RELT: variants seen among roughly 807,000 people sequenced by gnomAD.
RELT encodes RELT TNF receptor.
RELT carries 37 observed loss-of-function variants against 51.1 expected under a neutral mutation model. The ratio of observed to expected loss-of-function variants is 0.72; its 90% confidence interval spans 0.56 to 0.95. RELT has a LOEUF of 0.95. Among genes scored for constraint, RELT ranks in the 40% least tolerant of loss-of-function variants. The pLI, the probability that RELT is intolerant of heterozygous loss-of-function variation, is 0.00. For synonymous variants in RELT, 241 were observed against 235.7 expected (o/e 1.02, Z -0.21); for missense variants, 535 against 572.6 (o/e 0.93, Z 0.67).
chr11:73,392,414 T>C lies in RELT; in HGVS notation c.571T>C (p.Tyr191His), dbSNP rs1866232782. The change falls in exon 6 of 11, where the codon TAC (tyrosine) becomes CAC (histidine). Residue 191 changes from tyrosine to histidine, a missense_variant. By Grantham distance (83) the Tyr-to-His change is moderately conservative. Transcript: ENST00000064780. Reference sequence around the variant, plus strand: ...GTGCAACCTCCTCAAGCGGAAGGGCTACCACTGCACGGCGCACAAGGAGGT... The same window carrying C: ...GTGCAACCTCCTCAAGCGGAAGGGCCACCACTGCACGGCGCACAAGGAGGT... ...LVCNLLKRKG[Y>H]HCTAHKEVGP... The C allele has an allele frequency of 5.0e-6, 8 of 1,613,566 alleles. No homozygotes were observed. The highest frequency in any genetic ancestry group is 4.2e-6 in the Non-Finnish European group (5 of 1,179,916).
At chr11:73,377,498 G>A (rs919181892) in intron 1 of RELT, among the ~76,000 whole-genome samples, 1 of 152,164 alleles carries the variant, frequency 6.6e-6, no homozygotes, top group Admixed American at 6.5e-5. Flanking sequence ...GGAGAAAGCC[G>A]AGGCTGGGCA....
In RELT at chr11:73,395,250, A is replaced by G; in HGVS notation, c.1210A>G (p.Lys404Glu). ...ALLGSGGSRT[K>E]WLKPPAENKA... ...GCTAGGAAGTGGCGGAAGCCGTACA[A>G]AGTGGCTGAAGCCCCCAGCAGAGAA... Residue 404 changes from lysine to glutamate, a missense_variant, in exon 10 of 11, where the codon AAG becomes GAG. Coordinates refer to ENST00000064780, the MANE Select transcript of RELT (RefSeq NM_152222.2). The G allele has an allele frequency of 6.2e-7, 1 of 1,613,158 alleles. No individual in the cohort carries two copies.
chr11:73,393,153 C>T lies in RELT; in HGVS notation c.626-684C>T. On this transcript the variant is annotated intron_variant, in intron 6 of 10. Transcript: ENST00000064780. ...TGGGGCTGGCATGGGAGCCAGAGAC[C>T]CTTCTAAGTCCTGACACTGAAGTCT... The T allele has an allele frequency of 3.0e-6, 3 of 998,650 alleles. No homozygotes were observed. The South Asian group carries it at 1.3e-4, about 43-fold the overall frequency. The allele number at this position is 998,650 out of a possible 1,614,324, so 61.9% of individuals were successfully genotyped here.
chr11:73,391,375 A>T, intron 5 of RELT, 152 bp downstream of exon 5: 2 of 687,302 alleles, frequency 2.9e-6, no homozygotes, highest in Non-Finnish European at 4.9e-6. Flanking sequence ...GGTCTCCAGC[A>T]GGGCACAGTC....
chr11:73,392,126 C>T (rs866708428), intron 5 of RELT, 85 bp from the exon 6 acceptor site: 1 of 1,479,742 alleles, frequency 6.8e-7, no homozygotes, highest in South Asian at 1.3e-5. Flanking sequence ...TCCTGCAGCC[C>T]CCACTGACTC....
rs960178655 is a variant in RELT, at chr11:73,392,080, A to G, written c.368-131A>G. The G allele has an allele frequency of 6.6e-5, 69 of 1,043,900 alleles. 1 individual carries two copies. In the East Asian group the frequency reaches 1.8e-3, roughly 27 times the overall value. The allele number at this position is 1,043,900 out of a possible 1,614,324, so 64.7% of individuals were successfully genotyped here. ...GTGGGTTGACCTTTGCATCCCCAGCATGGCGGGGAGTGGGCTCCCCTGGGC... is the reference window on the plus strand; with the variant it reads ...GTGGGTTGACCTTTGCATCCCCAGCGTGGCGGGGAGTGGGCTCCCCTGGGC... On this transcript the variant is annotated intron_variant, in intron 5 of 10. Coordinates refer to ENST00000064780, the MANE Select transcript of RELT (RefSeq NM_152222.2).
chr11:73,395,649 C>A lies in RELT; in HGVS notation c.*158C>A. The A allele has an allele frequency of 1.5e-6, 1 of 661,530 alleles. No homozygotes were observed. The highest frequency in any genetic ancestry group is 2.6e-5 in the East Asian group (1 of 38,282). 41.0% of individuals were successfully genotyped at this position (661,530 alleles called of 1,614,324 possible). A position where few individuals can be genotyped will look rare whatever the true frequency, so the allele number is the denominator to read the frequency against. On this transcript the variant is annotated 3_prime_UTR_variant, in exon 11 of 11. Transcript: ENST00000064780. ...AGGCCTGGAGGTGGGAGCGTCTGCC[C>A]CAGTGAGGAGGCAGGTGGCCGGCGG... is the stretch of plus-strand genomic sequence containing the variant.
At chr11:73,378,684 G>C (rs1866005941) in intron 1 of RELT, among the ~76,000 whole-genome samples, 1 of 152,234 alleles carries the variant, frequency 6.6e-6, no homozygotes, top group Admixed American at 6.5e-5. Context: ...TATGATGTGT[G>C]TGTGTGCACA....
chr11:73,390,004 T>C (rs1430976688), intron 2 of RELT, among the ~76,000 whole-genome samples: 4 of 152,050 alleles, frequency 2.6e-5, no homozygotes, highest in Non-Finnish European at 5.9e-5. Context: ...TCTCCCTGTT[T>C]GGGTGTGTGG....
rs1866285362 is a variant in RELT, at chr11:73,394,828, C to T, written c.1046+94C>T. The T allele has an allele frequency of 2.8e-6, 4 of 1,437,962 alleles. No homozygotes were observed. The highest frequency in any genetic ancestry group is 3.8e-6 in the Non-Finnish European group (4 of 1,063,308). The allele number at this position is 1,437,962 out of a possible 1,614,324, so 89.1% of individuals were successfully genotyped here. A position where few individuals can be genotyped will look rare whatever the true frequency, so the allele number is the denominator to read the frequency against. On this transcript the variant is annotated intron_variant, in intron 9 of 10. Coordinates refer to ENST00000064780, the MANE Select transcript of RELT (RefSeq NM_152222.2). The surrounding 1 kb of genome is among the most constrained non-coding windows in gnomAD (Gnocchi z 4.9). ...AGGGCCCCAGCTTGGGCCCTGAGCA[C>T]CCTGCTCAATGGGAGCCCTGCCCTT...
chr11:73,395,580 A>G lies in RELT; in HGVS notation c.*89A>G, dbSNP rs1173864149. ...AGGTGGAGCTGCAGCTGGGACTGTG[A>G]GGACCGAGAAGCAATGGCCCAGCAG... On this transcript the variant is annotated 3_prime_UTR_variant, in exon 11 of 11. Coordinates refer to ENST00000064780, the MANE Select transcript of RELT (RefSeq NM_152222.2). 3.9e-6 allele frequency: 3 copies of G among 772,960 alleles called. No homozygotes were observed. The highest frequency in any genetic ancestry group is 1.7e-5 in the African/African-American group (1 of 59,000). The allele number at this position is 772,960 out of a possible 1,614,324, so 47.9% of individuals were successfully genotyped here.
intron 10 of RELT, 49 bp downstream of exon 10, chr11:73,395,334 C>T: frequency 6.2e-7 from 1 of 1,600,976 alleles, no homozygotes; most frequent in Non-Finnish European, 8.5e-7. Flanking sequence ...CCAACCCTGA[C>T]CGAAGACGGG....
At position 73,394,395 on chromosome 11, in the gene RELT, C is replaced by G; in HGVS notation, c.788+78C>G. 6.2e-7 allele frequency: 1 copy of G among 1,607,726 alleles called. No individual in the cohort carries two copies. Among genetic ancestry groups the G allele is most frequent in the Non-Finnish European group, 8.5e-7 (1 of 1,175,136 alleles). On this transcript the variant is annotated intron_variant, in intron 8 of 10. Transcript: ENST00000064780. The surrounding 1 kb of genome is among the most constrained non-coding windows in gnomAD (Gnocchi z 4.9). ...CCTCCTGGGGATCTCCCACTTGGGTCTCCCTCAAGTCACCCTGTTCCCTGC... is the reference window on the plus strand; with the variant it reads ...CCTCCTGGGGATCTCCCACTTGGGTGTCCCTCAAGTCACCCTGTTCCCTGC...
At chr11:73,380,176 C>A (rs1008561984) in intron 1 of RELT, among the ~76,000 whole-genome samples, 37 of 152,308 alleles carry the variant, frequency 2.4e-4, no homozygotes, top group African/African-American at 8.9e-4. Flanking sequence ...TAGCCCACCC[C>A]CTCCCACTGC....
At chr11:73,385,758 G>A (rs992988551) in intron 1 of RELT, among the ~76,000 whole-genome samples, 3 of 152,190 alleles carry the variant, frequency 2.0e-5, no homozygotes, top group Non-Finnish European at 2.9e-5. Context: ...TGGGCACAGC[G>A]GCTCACACCT....
rs115332509 is a variant in RELT, at chr11:73,397,112, T to C, written c.*1621T>C. ...GCCACGTGGCCAGCAGCTACCACAC[T>C]GGTCAGCGCAGCACCTGAGGAAATG... is the stretch of plus-strand genomic sequence containing the variant. On this transcript the variant is annotated 3_prime_UTR_variant, in exon 11 of 11. Transcript: ENST00000064780. 1 of 152,350 alleles carries C rather than the reference T, an allele frequency of 6.6e-6. No homozygotes were observed. Among genetic ancestry groups the C allele is most frequent in the African/African-American group, 2.4e-5 (1 of 41,590 alleles). 9.4% of individuals were successfully genotyped at this position (152,350 alleles called of 1,614,324 possible).
intron 5 of RELT, 36 bp downstream of exon 5, chr11:73,391,259 G>T (rs1382194847): frequency 6.3e-7 from 1 of 1,587,432 alleles, no homozygotes; most frequent in Middle Eastern, 1.7e-4. Flanking sequence ...TGGTGCAGGG[G>T]TATGTGCGGG....
intron 1 of RELT, among the ~76,000 whole-genome samples, chr11:73,377,879 A>G (rs906957350): frequency 6.6e-6 from 1 of 151,962 alleles, no homozygotes; most frequent in Non-Finnish European, 1.5e-5. Context: ...ACAGCGGCCC[A>G]GGGGCTGCAC....
chr11:73,379,426 C>T (rs1017305411), intron 1 of RELT, among the ~76,000 whole-genome samples: 3 of 152,152 alleles, frequency 2.0e-5, no homozygotes, highest in African/African-American at 4.8e-5. Flanking sequence ...GGTGTGATAG[C>T]TGCTGGAGGG....
Sources: gnomAD v4.1 joint callset for allele counts (sites outside exome capture counted in the v4.1 genomes callset) on GRCh38, gnomAD v4.1.1 for gene constraint, Gnocchi (gnomAD v3.1) non-coding constraint, MANE v1.5 for transcripts, NCBI Gene and HGNC (gene_info 2026-07-23, HGNC 2026-07-21) for gene names.